The following FRMPD4 variants were observed in gnomAD, a reference collection of about 807,000 sequenced individuals.
The protein encoded by FRMPD4 is FERM and PDZ domain containing 4.
In FRMPD4, 22 loss-of-function variants were observed where a neutral mutation model predicts 94.1. The observed-to-expected ratio is 0.23, with a 90% CI of 0.17 to 0.33. The LOEUF is 0.33. Among genes scored for constraint, FRMPD4 ranks in the 10% least tolerant of loss-of-function variants. The pLI, the probability that FRMPD4 is intolerant of heterozygous loss-of-function variation, is 1.00. For missense variants in FRMPD4, 1,111 were observed against 1,339.9 expected (o/e 0.83, Z 2.67); for synonymous variants, 631 against 548.6 (o/e 1.15, Z -2.10).
intron 4 of FRMPD4, among the ~76,000 whole-genome samples, chrX:12,668,626 CAG>C (rs1437881352): frequency 3.3e-5 from 3 of 91,082 alleles, no homozygotes; most frequent in Non-Finnish European, 6.4e-5. Context: ...TTTTGTGAGC[CAG>C]AGTTTCACTC....
intron 2 of FRMPD4, among the ~76,000 whole-genome samples, chrX:12,517,920 A>G (rs895372478): frequency 6.2e-5 from 7 of 112,135 alleles, no homozygotes; most frequent in Non-Finnish European, 5.7e-5. Context: ...TGAAATTCCT[A>G]CAGGTAGGCC....
intron 1 of FRMPD4, among the ~76,000 whole-genome samples, chrX:12,310,152 G>C (rs1415974232): frequency 9.1e-6 from 1 of 109,767 alleles, no homozygotes; most frequent in Non-Finnish European, 1.9e-5. Context: ...GGGTGGAGCC[G>C]TTTTATAGGA....
chrX:11,912,549 G>T (rs2147338275), intron 3 of FRMPD4, among the ~76,000 whole-genome samples: 1 of 111,734 alleles, frequency 8.9e-6, no homozygotes, highest in African/African-American at 3.2e-5. Flanking sequence ...ATAAGCTAGT[G>T]AACTTATCTC....
intron 2 of FRMPD4, among the ~76,000 whole-genome samples, chrX:12,533,351 G>A (rs969993208): frequency 8.9e-6 from 1 of 112,079 alleles, no homozygotes; most frequent in Non-Finnish European, 1.9e-5. Context: ...TCTCAGGTAT[G>A]TCTTTATCAG....
At chrX:12,660,932 C>T (rs1219397984) in intron 4 of FRMPD4, among the ~76,000 whole-genome samples, 1 of 112,000 alleles carries the variant, frequency 8.9e-6, no homozygotes, top group Non-Finnish European at 1.9e-5. Context: ...CCAGGCATCT[C>T]TCCCTCTCTC....
chrX:12,076,327 C>CGTGTGTGTGTGTGTGTGTGT (rs34558552), intron 3 of FRMPD4, among the ~76,000 whole-genome samples: 4 of 98,129 alleles, frequency 4.1e-5, no homozygotes, highest in African/African-American at 1.1e-4. Flanking sequence ...CCTAGCAAAA[C>CGTGTGTGTGTGTGTGTGTGT]GTGTGTGTGT....
chrX:12,447,291 C>T (rs1325529915), intron 1 of FRMPD4, among the ~76,000 whole-genome samples: 2 of 111,382 alleles, frequency 1.8e-5, no homozygotes, highest in Admixed American at 9.5e-5. Context: ...CTAGCAGCAT[C>T]CCTGGCCTTA....
chrX:12,343,823 A>G (rs1204527964), intron 1 of FRMPD4, among the ~76,000 whole-genome samples: 2 of 111,853 alleles, frequency 1.8e-5, no homozygotes, highest in East Asian at 5.6e-4. Flanking sequence ...CATGACCTCA[A>G]CAGCAGCCTC....
chrX:12,274,638 C>T (rs780651603), intron 1 of FRMPD4, among the ~76,000 whole-genome samples: 1 of 112,339 alleles, frequency 8.9e-6, no homozygotes, highest in Non-Finnish European at 1.9e-5. Context: ...CTTCTGCTTC[C>T]AGTATGGAGC....
intron 1 of FRMPD4, among the ~76,000 whole-genome samples, chrX:12,205,989 T>C (rs905549925): frequency 5.2e-4 from 58 of 112,234 alleles, no homozygotes; most frequent in African/African-American, 1.7e-3. Context: ...TAGCAGCCTG[T>C]GAAACGTACA....
chrX:12,692,249 T>C, intron 8 of FRMPD4, among the ~76,000 whole-genome samples: 1 of 112,101 alleles, frequency 8.9e-6, no homozygotes, highest in Non-Finnish European at 1.9e-5. Flanking sequence ...TTTAACTTTA[T>C]TTTTCCTTAT....
At chrX:12,241,290 CA>C (rs1301041883) in intron 1 of FRMPD4, among the ~76,000 whole-genome samples, 4 of 112,354 alleles carry the variant, frequency 3.6e-5, no homozygotes, top group African/African-American at 6.5e-5. Context: ...TTCATGCCAT[CA>C]ACTTTGGGTG....
Position 12,609,783 on chromosome X carries a change from C to T in FRMPD4, c.221C>T (p.Pro74Leu), listed in dbSNP as rs141555096. Residue 74 changes from proline (P) to leucine (L), a missense_variant, in exon 3 of 17, where the codon CCG becomes CTG. This residue lies in a region of FRMPD4 where 140 missense variants were observed against 165.9 expected (regional missense o/e 0.84). Coordinates refer to ENST00000675598, the MANE Select transcript of FRMPD4 (RefSeq NM_001368397.1). The stretch of plus-strand genomic sequence containing the variant: ...TTAGAGAGCTGCCAAATCATCCCTC[C>T]GGCTCCTCGGAAGGTGGAGATGAGA... ...PRLESCQIIP[P>L]APRKVEMRRD... is the part of the protein sequence containing the mutation. 7 of 1,206,952 alleles carry T rather than the reference C, an allele frequency of 5.8e-6. No individual in the cohort carries two copies. The Admixed American group carries it at 6.5e-5, about 11-fold the overall frequency.
At chrX:12,579,903 T>C (rs1215963178) in intron 2 of FRMPD4, among the ~76,000 whole-genome samples, 2 of 112,035 alleles carry the variant, frequency 1.8e-5, no homozygotes, top group Non-Finnish European at 3.8e-5. Flanking sequence ...AAAATAAAAC[T>C]TTACTCCATT....
chrX:12,463,681 G>GT (rs764684007), intron 1 of FRMPD4, among the ~76,000 whole-genome samples: 5,549 of 50,609 alleles, frequency 0.11, 678 homozygotes, highest in African/African-American at 0.18. Context: ...CTATGTGTGT[G>GT]TTTTTTTTTT....
intron 3 of FRMPD4, among the ~76,000 whole-genome samples, chrX:12,066,403 C>T (rs1252209769): frequency 8.9e-6 from 1 of 111,996 alleles, no homozygotes. Flanking sequence ...TGAAATTTAA[C>T]TTCCCAAGAA....
chrX:12,569,140 G>A (rs999489711), intron 2 of FRMPD4, among the ~76,000 whole-genome samples: 11 of 111,144 alleles, frequency 9.9e-5, no homozygotes, highest in African/African-American at 2.0e-4. Context: ...CTGACACCAC[G>A]CTCTTGGACT....
chrX:12,286,502 G>A lies in FRMPD4; in HGVS notation c.41+147490G>A, dbSNP rs750595568. ...TCTATGATTTCTGTGATGCTATAAT[G>A]AAATTCATGAAACACACACTTATGC... is the stretch of plus-strand genomic sequence containing the variant. On this transcript the variant is annotated intron_variant, in intron 1 of 16. Coordinates refer to ENST00000675598, the MANE Select transcript of FRMPD4 (RefSeq NM_001368397.1). Among the ~76,000 whole-genome samples the A allele has an allele frequency of 2.7e-5, 3 of 112,030 alleles. No homozygotes were observed. The South Asian group carries it at 1.1e-3, about 42-fold the overall frequency.
chrX:12,160,097 G>GTGTGTGTGTGTA (rs2147616780), intron 1 of FRMPD4, among the ~76,000 whole-genome samples: 1 of 109,949 alleles, frequency 9.1e-6, no homozygotes, highest in African/African-American at 3.3e-5. Flanking sequence ...GTGTGTGTGT[G>GTGTGTGTGTGTA]TATGTGCCTG....
Sources: gnomAD v4.1 joint callset for allele counts (sites outside exome capture counted in the v4.1 genomes callset) on GRCh38, gnomAD v4.1.1 for gene constraint, gnomAD v4.1.1 regional missense constraint, MANE v1.5 for transcripts, NCBI Gene and HGNC (gene_info 2026-07-23, HGNC 2026-07-21) for gene names.